NNT: variants seen among roughly 807,000 people sequenced by gnomAD.
The protein encoded by NNT is nicotinamide nucleotide transhydrogenase.
In NNT, 50 loss-of-function variants were observed where a neutral mutation model predicts 104.8. The ratio of observed to expected loss-of-function variants is 0.48; its 90% CI spans 0.38 to 0.60. The LOEUF (loss-of-function observed/expected upper bound fraction) is 0.60, where lower values mean the gene tolerates loss of function less well. NNT is among the 20% of genes least tolerant of loss of function. The probability of loss-of-function intolerance (pLI) is 0.00; values close to 1 mark genes in which losing one functional copy is unlikely to be tolerated. For synonymous variants in NNT, 461 were observed against 490.4 expected, an observed-to-expected ratio of 0.94 and a Z score of 0.79; for missense variants, 1,131 against 1,330.7, an observed-to-expected ratio of 0.85 and a Z score of 2.33.
chr5:43,641,952 T>C (rs999484068), intron 7 of NNT, among the ~76,000 whole-genome samples: 1 of 152,200 alleles, frequency 6.6e-6, no homozygotes, highest in Non-Finnish European at 1.5e-5. Flanking sequence ...GTTGTATATT[T>C]TGATGTTTCT....
intron 1 of NNT, among the ~76,000 whole-genome samples, 183 bp downstream of exon 1, chr5:43,603,477 C>G (rs1459355154): frequency 6.6e-6 from 1 of 152,062 alleles, no homozygotes; most frequent in Non-Finnish European, 1.5e-5. Context: ...GTCCGCAGGC[C>G]GCAGGCTTAG....
In NNT at chr5:43,649,199, T is replaced by C; in HGVS notation, c.1497T>C (p.Ser499=). Residue 499 remains serine (S), a synonymous_variant, in exon 11 of 22, where the codon TCT becomes TCC. Transcript: ENST00000344920. ...LGIAAPNLAF[S]QMVTTFGLAG... ...TTGCGGCTCCCAATCTAGCCTTTTC[T>C]CAGATGGTGACCACTTTTGGCTTGG... is the stretch of plus-strand genomic sequence containing the variant. 6.2e-7 allele frequency: 1 copy of C among 1,614,214 alleles called. No homozygotes were observed. Among genetic ancestry groups the C allele is most frequent in the Non-Finnish European group, 8.5e-7 (1 of 1,180,024 alleles).
chr5:43,703,832 A>G (rs1742982938), intron 21 of NNT, among the ~76,000 whole-genome samples: 4 of 152,178 alleles, frequency 2.6e-5, no homozygotes, highest in Admixed American at 2.6e-4. Flanking sequence ...AAAGAATAAC[A>G]TTGTTTTCCC....
rs545418040 is a variant in NNT at position 43,671,690 on chromosome 5, G to A, written c.2635-3821G>A. On this transcript the variant is annotated intron_variant, in intron 17 of 21. Coordinates refer to ENST00000344920, the MANE Select transcript of NNT (RefSeq NM_182977.3). ...ATGGGCTTCCCTTTGTGGGTAACCC[G>A]ACCTTTCTTTCTGGCTGCCCTTAAC... Among the ~76,000 whole-genome samples, 19 of 152,248 alleles carry A rather than the reference G, an allele frequency of 1.2e-4. 1 individual carries two copies. In the South Asian group the frequency reaches 3.3e-3, roughly 27 times the overall value.
intron 17 of NNT, among the ~76,000 whole-genome samples, chr5:43,673,467 A>G (rs1741241573): frequency 6.6e-6 from 1 of 152,338 alleles, no homozygotes; most frequent in Non-Finnish European, 1.5e-5. Flanking sequence ...GTTATCTATG[A>G]CAGAAATATC....
chr5:43,632,744 C>G lies in NNT; in HGVS notation c.964+4357C>G, dbSNP rs144625662. 6.8e-3 allele frequency among the ~76,000 whole-genome samples: 1,029 copies of G among 152,308 alleles called. 4 individuals are homozygous for G. The highest frequency in any genetic ancestry group is 0.01 in the Non-Finnish European group (691 of 68,032). On this transcript the variant is annotated intron_variant, in intron 7 of 21. Coordinates refer to ENST00000344920, the MANE Select transcript of NNT (RefSeq NM_182977.3). The stretch of plus-strand genomic sequence containing the variant: ...GGGCTACCATTAAAAAGTAAGGCAG[C>G]CCTGCTGTCTGGTAATGTTCAGGCT...
At chr5:43,611,125 C>G (rs574832769) in intron 2 of NNT, among the ~76,000 whole-genome samples, 2 of 119,132 alleles carry the variant, frequency 1.7e-5, no homozygotes, top group Admixed American at 1.1e-4. Context: ...TTTTTCTTTA[C>G]AGTTGGCTTG....
At chr5:43,618,250 C>T (rs935107133) in intron 4 of NNT, among the ~76,000 whole-genome samples, 5 of 152,146 alleles carry the variant, frequency 3.3e-5, no homozygotes, top group African/African-American at 9.7e-5. Flanking sequence ...TCATTTAGTC[C>T]TCACGACCCT....
chr5:43,673,601 T>C (rs1469851208), intron 17 of NNT, among the ~76,000 whole-genome samples: 1 of 152,138 alleles, frequency 6.6e-6, no homozygotes, highest in Non-Finnish European at 1.5e-5. Context: ...GATCAATGAG[T>C]TGAATGTTTG....
At position 43,645,433 on chromosome 5, in the gene NNT, C is replaced by A; in HGVS notation, c.1367C>A (p.Ala456Asp). The A allele has an allele frequency of 6.4e-7, 1 of 1,574,632 alleles. No individual in the cohort carries two copies. Among genetic ancestry groups the A allele is most frequent in the Non-Finnish European group, 8.6e-7 (1 of 1,159,208 alleles). The change falls in exon 10 of 22, where the codon GCT becomes GAT. Residue 456 changes from alanine (A) to aspartate (D), a missense_variant. Physicochemically the swap from Ala to Asp is moderately radical, Grantham distance 126. Coordinates refer to ENST00000344920, the MANE Select transcript of NNT (RefSeq NM_182977.3). Reference sequence around the variant, plus strand: ...GCCCCAGTAAAACAGAAGACAGTGGCTGAGCTGGAAGCTGAAAAAGCAGCT... The same window carrying A: ...GCCCCAGTAAAACAGAAGACAGTGGATGAGCTGGAAGCTGAAAAAGCAGCT... The part of the protein sequence containing the change: ...QGAPVKQKTV[A>D]ELEAEKAATI...
At chr5:43,697,738 G>A (rs1206179247) in intron 19 of NNT, among the ~76,000 whole-genome samples, 1 of 152,180 alleles carries the variant, frequency 6.6e-6, no homozygotes, top group African/African-American at 2.4e-5. Flanking sequence ...TGGAAGGCAA[G>A]GAGGAGCAAG....
At chr5:43,618,319 T>C (rs1271972714) in intron 4 of NNT, among the ~76,000 whole-genome samples, 1 of 152,178 alleles carries the variant, frequency 6.6e-6, no homozygotes, top group Non-Finnish European at 1.5e-5. Flanking sequence ...TTTAGAAAAT[T>C]TTAAAAATTT....
chr5:43,671,098 A>G (rs1338718117), intron 17 of NNT, among the ~76,000 whole-genome samples: 1 of 152,042 alleles, frequency 6.6e-6, no homozygotes, highest in African/African-American at 2.4e-5. Flanking sequence ...AGCGACTAGG[A>G]TTGTAACCCC....
intron 7 of NNT, among the ~76,000 whole-genome samples, chr5:43,630,973 C>A (rs1057089621): frequency 6.6e-6 from 1 of 152,094 alleles, no homozygotes; most frequent in African/African-American, 2.4e-5. Flanking sequence ...TAGCTTCCCC[C>A]ACAACAAAAA....
chr5:43,630,469 A>G (rs1442163409), intron 7 of NNT, among the ~76,000 whole-genome samples: 1 of 152,174 alleles, frequency 6.6e-6, no homozygotes, highest in Admixed American at 6.5e-5. Context: ...ATGTATATGT[A>G]TTTATGGAAT....
chr5:43,608,851 C>A (rs1249758087), intron 1 of NNT, among the ~76,000 whole-genome samples: 2 of 152,184 alleles, frequency 1.3e-5, no homozygotes, highest in African/African-American at 2.4e-5. Flanking sequence ...AGCTTTCTAG[C>A]TACATTAAGG....
rs532277015 is a variant in NNT, at chr5:43,606,867, AG to A, written c.-53-2272del. Among the ~76,000 whole-genome samples, 751 of 152,354 alleles carry A rather than the reference AG, an allele frequency of 4.9e-3. 2 individuals carry two copies. Among genetic ancestry groups the A allele is most frequent in the Non-Finnish European group, 7.5e-3 (512 of 68,034 alleles). ...CCCTTGGTATATATTTGTTGAATTAAGGGGCATCTTATGAATAAATATGCTC... is the reference window on the plus strand; with the variant it reads ...CCCTTGGTATATATTTGTTGAATTAAGGGCATCTTATGAATAAATATGCTC... On this transcript the variant is annotated intron_variant, in intron 1 of 21. Coordinates refer to ENST00000344920, the MANE Select transcript of NNT (RefSeq NM_182977.3).
Position 43,706,276 on chromosome 5 carries a change from A to G in NNT, c.*1872A>G, listed in dbSNP as rs985296925. The G allele has an allele frequency of 6.6e-6, 1 of 151,718 alleles. No individual in the cohort carries two copies. Among genetic ancestry groups the G allele is most frequent in the Non-Finnish European group, 1.5e-5 (1 of 67,918 alleles). 9.4% of individuals were successfully genotyped at this position (151,718 alleles called of 1,614,324 possible). A position where few individuals can be genotyped will look rare whatever the true frequency, so the allele number is the denominator to read the frequency against. The stretch of plus-strand genomic sequence containing the variant: ...TCCAAAAGGTTAGTGGACTTAGATT[A>G]TAAATTATGGCAAAAATCTAAAAAC... On this transcript the variant is annotated 3_prime_UTR_variant, in exon 22 of 22. Transcript: ENST00000344920.
intron 7 of NNT, among the ~76,000 whole-genome samples, chr5:43,633,764 T>A (rs756894948): frequency 3.3e-5 from 5 of 152,212 alleles, no homozygotes; most frequent in Non-Finnish European, 5.9e-5. Flanking sequence ...CTTTCATTTT[T>A]TTCAGTGCTG....
Sources: gnomAD v4.1 joint callset for allele counts (sites outside exome capture counted in the v4.1 genomes callset) on GRCh38, gnomAD v4.1.1 for gene constraint, MANE v1.5 for transcripts, NCBI Gene and HGNC (gene_info 2026-07-23, HGNC 2026-07-21) for gene names.